The following EHF variants were observed in gnomAD, a reference collection of about 807,000 sequenced individuals.
EHF encodes ESE3 transcription factor.
In EHF, 14 loss-of-function variants were observed where a neutral mutation model predicts 45.1. The ratio of observed to expected loss-of-function variants is 0.31; its 90% CI spans 0.21 to 0.49. The LOEUF is 0.49. Ranked by LOEUF, EHF falls within the 20% of genes least tolerant of loss-of-function variation. The pLI is 0.99. For synonymous variants in EHF, 136 were observed against 131.8 expected (o/e 1.03, Z -0.22); for missense variants, 282 against 371.4 (o/e 0.76, Z 1.98).
Position 34,658,660 on chromosome 11 carries a change from G to A in EHF, c.735G>A (p.Val245=). Residue 245 remains valine (V), a synonymous_variant, in exon 8 of 9, where the codon GTG becomes GTA. Coordinates refer to ENST00000257831, the MANE Select transcript of EHF (RefSeq NM_012153.6). ...GVFRFLKSEA[V]AQLWGKKKNN... is the part of the protein sequence containing the mutation. ...TCAGGTTCTTGAAATCAGAGGCAGT[G>A]GCTCAGCTATGGGGTAAAAAGAAGA... 6.2e-7 allele frequency: 1 copy of A among 1,613,800 alleles called. No homozygotes were observed. The highest frequency in any genetic ancestry group is 8.5e-7 in the Non-Finnish European group (1 of 1,179,804).
intron 1 of EHF, among the ~76,000 whole-genome samples, chr11:34,636,986 GCCATTGCACT>G (rs1853483967): frequency 7.2e-6 from 1 of 139,320 alleles, no homozygotes; most frequent in Non-Finnish European, 1.5e-5. Context: ...CCGAGATTGC[GCCATTGCACT>G]CCATTCTGGG....
In EHF at chr11:34,662,672, T is replaced by C. The variant is rs1039393844; in HGVS notation, c.*3741T>C. On this transcript the variant is annotated 3_prime_UTR_variant, in exon 9 of 9. Transcript: ENST00000257831. ...TTTTGCAAGCATGTTGTTTTTCAAA[T>C]ATATCAAGTATAGAAAAAGGTAAAA... Among the ~76,000 whole-genome samples, 2 of 152,174 alleles carry C rather than the reference T, an allele frequency of 1.3e-5. No individual in the cohort carries two copies. Among genetic ancestry groups the C allele is most frequent in the Non-Finnish European group, 2.9e-5 (2 of 68,024 alleles).
intron 4 of EHF, 130 bp from the exon 5 acceptor site, chr11:34,651,412 C>A (rs988818654): frequency 2.8e-6 from 2 of 714,098 alleles, no homozygotes; most frequent in African/African-American, 1.8e-5. Context: ...GAAGCAGAAT[C>A]ATATCCCTTG....
chr11:34,634,763 T>C (rs1293745601), intron 1 of EHF, among the ~76,000 whole-genome samples: 1 of 152,210 alleles, frequency 6.6e-6, no homozygotes, highest in Admixed American at 6.5e-5. Flanking sequence ...TGAATATATA[T>C]ACATATATTT....
At position 34,626,933 on chromosome 11, in the gene EHF, T is replaced by C. The variant is rs759429612; in HGVS notation, c.-4+5705T>C. Among the ~76,000 whole-genome samples the C allele has an allele frequency of 5.9e-5, 9 of 152,344 alleles. No individual in the cohort carries two copies. In the East Asian group the frequency reaches 1.5e-3, roughly 26 times the overall value. On this transcript the variant is annotated intron_variant, in intron 1 of 8. Coordinates refer to ENST00000257831, the MANE Select transcript of EHF (RefSeq NM_012153.6). ...GGAAAATGGAGTTAATAACATCTAC[T>C]GCATTGGGCTGTTGTAAAGATTAAA...
At chr11:34,628,135 G>A (rs1852536590) in intron 1 of EHF, among the ~76,000 whole-genome samples, 1 of 152,148 alleles carries the variant, frequency 6.6e-6, no homozygotes, top group South Asian at 2.1e-4. Context: ...CTACTTGGGA[G>A]GCTGAGGCAG....
intron 1 of EHF, among the ~76,000 whole-genome samples, chr11:34,626,560 C>T (rs894814162): frequency 6.6e-6 from 1 of 152,160 alleles, no homozygotes; most frequent in Non-Finnish European, 1.5e-5. Flanking sequence ...AATGATAAGA[C>T]TTGCTTTGTC....
chr11:34,629,836 T>C (rs1486692913), intron 1 of EHF, among the ~76,000 whole-genome samples: 2 of 144,120 alleles, frequency 1.4e-5, no homozygotes, highest in East Asian at 4.2e-4. Flanking sequence ...AAAAGAGCCA[T>C]AATTCACCCT....
chr11:34,642,095 G>A (rs1854055593), intron 1 of EHF: 1 of 152,704 alleles, frequency 6.5e-6, no homozygotes, highest in Non-Finnish European at 1.5e-5. Flanking sequence ...AAATATGACT[G>A]AGGCCCTTTG....
intron 1 of EHF, among the ~76,000 whole-genome samples, chr11:34,639,419 GT>G (rs1473050696): frequency 2.0e-5 from 3 of 152,228 alleles, no homozygotes; most frequent in Non-Finnish European, 2.9e-5. Context: ...TTATAATAAG[GT>G]TTTTTTACAA....
chr11:34,631,065 T>C (rs1852847012), intron 1 of EHF, among the ~76,000 whole-genome samples: 2 of 152,188 alleles, frequency 1.3e-5, no homozygotes, highest in Admixed American at 6.5e-5. Context: ...GAGTCTTACT[T>C]GGTTGCCCAG....
rs192787555 is a variant in EHF at position 34,658,487 on chromosome 11, G to C, written c.608-46G>C. 5.4e-5 allele frequency: 83 copies of C among 1,538,908 alleles called. No homozygotes were observed. The African/African-American group carries it at 9.6e-4, about 18-fold the overall frequency. On this transcript the variant is annotated intron_variant, in intron 7 of 8. Coordinates refer to ENST00000257831, the MANE Select transcript of EHF (RefSeq NM_012153.6). ...ACTCAATGCTCTCTGCCCTATCTTT[G>C]CTGTGACTTAGATCATTAGTAACCT...
Position 34,651,595 on chromosome 11 carries a change from T to A in EHF, c.460T>A (p.Tyr154Asn). ...CGAGAACTATTTATATGACACCAAC[T>A]ATGGTAGCACAGTAGGTAACTAACT... ...KDENYLYDTN[Y>N]GSTVDLLDSK... Residue 154 changes from tyrosine to asparagine, a missense_variant, in exon 5 of 9, where the codon TAT becomes AAT. By Grantham distance (143) the Tyr-to-Asn change is moderately radical. Coordinates refer to ENST00000257831, the MANE Select transcript of EHF (RefSeq NM_012153.6). The A allele has an allele frequency of 6.2e-7, 1 of 1,613,906 alleles. No homozygotes were observed. The highest frequency in any genetic ancestry group is 1.1e-5 in the South Asian group (1 of 91,078).
intron 4 of EHF, among the ~76,000 whole-genome samples, chr11:34,650,560 G>A (rs1402732981): frequency 6.6e-6 from 1 of 152,192 alleles, no homozygotes; most frequent in Admixed American, 6.5e-5. Context: ...TTACACCCCG[G>A]CCCTAAAACT....
intron 6 of EHF, among the ~76,000 whole-genome samples, chr11:34,652,700 T>G (rs2134192529): frequency 7.9e-6 from 1 of 126,926 alleles, no homozygotes; most frequent in African/African-American, 2.5e-5. Flanking sequence ...TAATTGGGTC[T>G]TTGTGAAAGA....
chr11:34,658,856 G>A lies in EHF; in HGVS notation c.828G>A (p.Leu276=), dbSNP rs1273267500. The A allele has an allele frequency of 1.9e-6, 3 of 1,612,590 alleles. No individual in the cohort carries two copies. The African/African-American group carries it at 4.0e-5, about 22-fold the overall frequency. Residue 276 remains leucine, a synonymous_variant, in exon 9 of 9, where the codon CTG becomes CTA. Coordinates refer to ENST00000257831, the MANE Select transcript of EHF (RefSeq NM_012153.6). ...AMRYYYKREI[L]ERVDGRRLVY... ...GATATTACTACAAAAGAGAAATTCT[G>A]GAGCGTGTGGATGGACGAAGACTGG...
intron 6 of EHF, 140 bp downstream of exon 6, chr11:34,651,945 G>A (rs942247032): frequency 2.2e-5 from 18 of 825,576 alleles, no homozygotes; most frequent in Non-Finnish European, 2.9e-5. Flanking sequence ...ACCATTAGAC[G>A]AGGTTTGCTT....
rs1197413085 is a variant in EHF, at chr11:34,649,196, C to T, written c.406+115C>T. 5 of 1,082,704 alleles carry T rather than the reference C, an allele frequency of 4.6e-6. No homozygotes were observed. The East Asian group carries it at 7.3e-5, about 16-fold the overall frequency. 67.1% of individuals were successfully genotyped at this position (1,082,704 alleles called of 1,614,324 possible). On this transcript the variant is annotated intron_variant, in intron 4 of 8. Coordinates refer to ENST00000257831, the MANE Select transcript of EHF (RefSeq NM_012153.6). ...AGTTTTTGCAGGAAACACAGGGAGG[C>T]CTTTTCCCTGGCTGTCTCTGATGGG...
At chr11:34,636,898 G>A (rs1022253262) in intron 1 of EHF, among the ~76,000 whole-genome samples, 1 of 152,064 alleles carries the variant, frequency 6.6e-6, no homozygotes, top group Non-Finnish European at 1.5e-5. Context: ...GCGTGGTGGT[G>A]CATGCCTATA....
Sources: allele counts gnomAD v4.1 joint callset (sites outside exome capture counted in the v4.1 genomes callset), GRCh38; gene constraint gnomAD v4.1.1; transcripts MANE v1.5; gene names NCBI Gene and HGNC (gene_info 2026-07-23, HGNC 2026-07-21).